The following AVEN variants were observed in gnomAD, a reference collection of about 807,000 sequenced individuals.
AVEN encodes the protein cell death regulator Aven.
In AVEN, 41 loss-of-function variants were observed where a neutral mutation model predicts 38.1. The ratio of observed to expected loss-of-function variants is 1.08; its 90% confidence interval spans 0.84 to 1.40. AVEN has a LOEUF of 1.40. AVEN is among the 40% of genes most tolerant of loss of function. The probability of loss-of-function intolerance (pLI) is 0.00; values close to 1 mark genes in which losing one functional copy is unlikely to be tolerated. For missense variants in AVEN, 605 were observed against 438.8 expected (o/e 1.38, Z -3.38); for synonymous variants, 206 against 171.8 (o/e 1.20, Z -1.56).
chr15:33,854,230 C>G (rs2079406278), downstream of AVEN, among the ~76,000 whole-genome samples: 1 of 151,386 alleles, frequency 6.6e-6, no homozygotes, highest in African/African-American at 2.4e-5. Flanking sequence ...TGTGATTCAA[C>G]TGTTCTCTTG....
At chr15:34,020,325 A>C (rs1362871546) in intron 1 of AVEN, among the ~76,000 whole-genome samples, 1 of 152,148 alleles carries the variant, frequency 6.6e-6, no homozygotes, top group Non-Finnish European at 1.5e-5. Flanking sequence ...AAAAAAGAAA[A>C]AAAAATAGAG....
chr15:34,074,651 G>A (rs748704277), exon 1 of AVEN, among the ~76,000 whole-genome samples: 1 of 151,888 alleles, frequency 6.6e-6, no homozygotes, highest in Non-Finnish European at 1.5e-5. Flanking sequence ...TCTCCCTTTG[G>A]GGGATATCAG....
chr15:33,878,941 A>G (rs967403018), intron 2 of AVEN, among the ~76,000 whole-genome samples: 30 of 152,184 alleles, frequency 2.0e-4, no homozygotes, highest in African/African-American at 6.5e-4. Flanking sequence ...CTGAACTTCT[A>G]TATTAGAAAT....
chr15:33,872,192 G>A (rs182008332), intron 3 of AVEN, among the ~76,000 whole-genome samples: 1 of 152,168 alleles, frequency 6.6e-6, no homozygotes, highest in African/African-American at 2.4e-5. Context: ...GTAGGACAAA[G>A]CCTTTCTGTC....
At chr15:33,999,621 G>GCT (rs1897063055) in intron 2 of AVEN, among the ~76,000 whole-genome samples, 1 of 152,072 alleles carries the variant, frequency 6.6e-6, no homozygotes, top group Non-Finnish European at 1.5e-5. Context: ...ATTTGCAAGT[G>GCT]CTCTCTGCTC....
At chr15:33,994,837 T>C (rs1896868048) in intron 2 of AVEN, among the ~76,000 whole-genome samples, 1 of 152,226 alleles carries the variant, frequency 6.6e-6, no homozygotes, top group African/African-American at 2.4e-5. Context: ...TAAAGGTCTA[T>C]CTTCCAAATA....
At chr15:33,999,162 C>G (rs1445659605) in intron 2 of AVEN, among the ~76,000 whole-genome samples, 1 of 152,190 alleles carries the variant, frequency 6.6e-6, no homozygotes, top group Non-Finnish European at 1.5e-5. Flanking sequence ...CTTATGGAAG[C>G]CTTGGCAGAG....
chr15:33,931,852 G>C (rs1035035378), intron 2 of AVEN, among the ~76,000 whole-genome samples: 1 of 152,100 alleles, frequency 6.6e-6, no homozygotes, highest in Admixed American at 6.6e-5. Flanking sequence ...TAGTTGATTT[G>C]CAATTGGGAA....
intron 5 of AVEN, among the ~76,000 whole-genome samples, chr15:34,056,067 A>G (rs1311362272): frequency 1.3e-5 from 2 of 152,184 alleles, no homozygotes; most frequent in East Asian, 3.9e-4. Context: ...CCAGGAACTC[A>G]AAATATGCTG....
chr15:33,909,339 C>CA (rs1242746726), intron 2 of AVEN, among the ~76,000 whole-genome samples: 5 of 151,654 alleles, frequency 3.3e-5, no homozygotes, highest in Admixed American at 6.6e-5. Flanking sequence ...AACAAACAAA[C>CA]AAAAAAACCT....
intron 3 of AVEN, 54 bp from the exon 4 acceptor site, chr15:33,871,084 G>T: frequency 8.7e-7 from 1 of 1,146,248 alleles, no homozygotes; most frequent in Non-Finnish European, 1.2e-6. Flanking sequence ...ATGACCTTTT[G>T]GAAATAAAAG....
chr15:34,019,911 T>C (rs1438735965), intron 1 of AVEN, among the ~76,000 whole-genome samples: 1 of 152,192 alleles, frequency 6.6e-6, no homozygotes, highest in Non-Finnish European at 1.5e-5. Context: ...CTTAGAAAAA[T>C]AGAATTGCAA....
the AVEN span, among the ~76,000 whole-genome samples, chr15:33,853,322 T>C: frequency 6.6e-6 from 1 of 152,238 alleles, no homozygotes; most frequent in African/African-American, 2.4e-5. Flanking sequence ...GCATAGTAGA[T>C]GTTTTCTCCC....
chr15:34,028,127 CTT>C (rs1006817456), intron 1 of AVEN, among the ~76,000 whole-genome samples: 1 of 152,158 alleles, frequency 6.6e-6, no homozygotes, highest in Non-Finnish European at 1.5e-5. Flanking sequence ...AGCTGGGAGA[CTT>C]CATGCTTCAA....
intron 5 of AVEN, 83 bp from the exon 6 acceptor site, chr15:33,866,811 T>TACAAC: frequency 1.0e-6 from 1 of 955,866 alleles, no homozygotes; most frequent in Non-Finnish European, 1.6e-6. Flanking sequence ...TTACTTTCCT[T>TACAAC]ACAACAAGGG....
intron 2 of AVEN, among the ~76,000 whole-genome samples, chr15:33,970,879 A>C (rs1298094782): frequency 1.3e-5 from 2 of 151,970 alleles, no homozygotes; most frequent in African/African-American, 4.8e-5. Flanking sequence ...GGGCAAATGA[A>C]TACTACCTTG....
Position 34,038,872 on chromosome 15 carries a change from A to AGCCCCG in AVEN, c.169_174dup (p.Arg57_Gly58dup). On this transcript the variant is annotated inframe_insertion, in exon 1 of 6. Coordinates refer to ENST00000306730, the MANE Select transcript of AVEN (RefSeq NM_020371.3). ...CCTCGGCCTCCGCGAGCGCCGCGGA[A>AGCCCCG]GCCCCGGCCACGGCCACGGCCCCGG... The AGCCCCG allele has an allele frequency of 8.7e-6, 10 of 1,146,604 alleles. No individual in the cohort carries two copies. The highest frequency in any genetic ancestry group is 4.5e-5 in the East Asian group (1 of 22,232). 71.0% of individuals were successfully genotyped at this position (1,146,604 alleles called of 1,614,324 possible).
At chr15:33,993,689 T>C (rs1377678582) in intron 2 of AVEN, among the ~76,000 whole-genome samples, 1 of 152,100 alleles carries the variant, frequency 6.6e-6, no homozygotes, top group Non-Finnish European at 1.5e-5. Flanking sequence ...GGCCAGGAAA[T>C]AGAATACTGC....
At chr15:33,872,792 ATCC>A (rs1335674493) in intron 3 of AVEN, among the ~76,000 whole-genome samples, 3 of 152,236 alleles carry the variant, frequency 2.0e-5, no homozygotes, top group African/African-American at 7.2e-5. Context: ...CTTCCCACTC[ATCC>A]TCTCTTTACA....
Sources: gnomAD v4.1 joint callset for allele counts (sites outside exome capture counted in the v4.1 genomes callset) on GRCh38, gnomAD v4.1.1 for gene constraint, MANE v1.5 for transcripts, NCBI Gene and HGNC (gene_info 2026-07-23, HGNC 2026-07-21) for gene names.